JAK1: variants seen among roughly 807,000 people sequenced by gnomAD.
JAK1 encodes the protein Janus kinase 1, also known as tyrosine-protein kinase JAK1.
JAK1 carries 16 observed loss-of-function variants against 136.6 expected under a neutral mutation model. The ratio of observed to expected loss-of-function variants is 0.12; its 90% CI spans 0.08 to 0.18. The LOEUF (loss-of-function observed/expected upper bound fraction) is 0.18, where lower values mean the gene tolerates loss of function less well. Ranked by LOEUF, JAK1 falls within the 10% of genes least tolerant of loss-of-function variation. The pLI, the probability that JAK1 is intolerant of heterozygous loss-of-function variation, is 1.00. For missense variants in JAK1, 859 were observed against 1,450.1 expected (o/e 0.59, Z 6.62); for synonymous variants, 492 against 519.5 (o/e 0.95, Z 0.72).
At chr1:64,896,378 G>C (rs533645007) in intron 1 of JAK1, among the ~76,000 whole-genome samples, 18 of 152,286 alleles carry the variant, frequency 1.2e-4, no homozygotes, top group Non-Finnish European at 1.2e-4. Flanking sequence ...GCAGGGGATG[G>C]GATACACTAC....
At chr1:64,872,138 A>C (rs1002237240) in intron 5 of JAK1, among the ~76,000 whole-genome samples, 1 of 152,168 alleles carries the variant, frequency 6.6e-6, no homozygotes, top group African/African-American at 2.4e-5. Context: ...TGAGGCTGAG[A>C]GGAGAGTCGG....
intron 2 of JAK1, chr1:64,972,278 A>T (rs1325470256): frequency 6.6e-6 from 1 of 152,252 alleles, no homozygotes; most frequent in South Asian, 2.1e-4. Context: ...AAGCTACAAG[A>T]TACATTTTTA....
rs995875784 is a variant in JAK1 at position 64,978,057 on chromosome 1, A to C, written c.-78+66423T>G. ...CACTTTGGGAGGCTGAGGCAGGCAG[A>C]TCATGAGGTCAAGAGATTGAGACCA... On this transcript the variant is annotated intron_variant, in intron 2 of 25. Transcript: ENST00000671954. Among the ~76,000 whole-genome samples the C allele has an allele frequency of 2.3e-4, 35 of 152,270 alleles. 1 individual carries two copies. Among genetic ancestry groups the C allele is most frequent in the African/African-American group, 6.5e-4 (27 of 41,566 alleles).
At chr1:64,872,658 T>C (rs1218972113) in intron 5 of JAK1, among the ~76,000 whole-genome samples, 1 of 152,180 alleles carries the variant, frequency 6.6e-6, no homozygotes, top group Non-Finnish European at 1.5e-5. Flanking sequence ...TACGCAGACA[T>C]CCAGTCAATA....
At chr1:64,894,575 A>G (rs566067929) in intron 1 of JAK1, among the ~76,000 whole-genome samples, 1 of 152,244 alleles carries the variant, frequency 6.6e-6, no homozygotes, top group African/African-American at 2.4e-5. Context: ...CCTGGCCAAT[A>G]TGGTGAAACC....
At chr1:65,000,246 G>GT (rs889330329) in intron 2 of JAK1, among the ~76,000 whole-genome samples, 4 of 152,006 alleles carry the variant, frequency 2.6e-5, no homozygotes, top group African/African-American at 9.7e-5. Flanking sequence ...CTTGGCCATC[G>GT]TAAGTCTTAA....
intron 2 of JAK1, chr1:64,985,099 T>C: frequency 1.0e-6 from 1 of 981,472 alleles, no homozygotes; most frequent in South Asian, 1.3e-5. Flanking sequence ...ATATGTAGAG[T>C]CCTTCTTACT....
In JAK1 at chr1:64,844,711, CCT is replaced by C. The variant is rs761895391; in HGVS notation, c.2251+41_2251+42del. Reference sequence around the variant, plus strand: ...CAGCCCTTCTCTCTGCTGACTTGCCCCTGACTCGGGGTGGGGCCAGAGGGAAG... The same window carrying C: ...CAGCCCTTCTCTCTGCTGACTTGCCCGACTCGGGGTGGGGCCAGAGGGAAG... On this transcript the variant is annotated intron_variant, in intron 16 of 24. Coordinates refer to ENST00000342505, the MANE Select transcript of JAK1 (RefSeq NM_002227.4). This position sits in a 1 kb window ranked among gnomAD's most constrained non-coding sequence, Gnocchi z 5.7. The C allele has an allele frequency of 6.2e-7, 1 of 1,612,910 alleles. No individual in the cohort carries two copies. Among genetic ancestry groups the C allele is most frequent in the Non-Finnish European group, 8.5e-7 (1 of 1,179,512 alleles).
intron 4 of JAK1, chr1:64,876,142 A>C (rs961429476): frequency 6.6e-6 from 1 of 152,170 alleles, no homozygotes; most frequent in East Asian, 1.9e-4. Context: ...TGAGGTGCCA[A>C]GGAGAGAGAC....
intron 1 of JAK1, among the ~76,000 whole-genome samples, chr1:64,950,365 C>T (rs1222787046): frequency 6.6e-6 from 1 of 151,710 alleles, no homozygotes; most frequent in Non-Finnish European, 1.5e-5. Flanking sequence ...CGAGATCATG[C>T]CACTGCACTC....
intron 12 of JAK1, among the ~76,000 whole-genome samples, chr1:64,849,056 G>A (rs547964883): frequency 1.1e-4 from 17 of 152,230 alleles, no homozygotes; most frequent in Middle Eastern, 3.4e-3. Context: ...TGCTCTTCCC[G>A]TGGCCAAGTC....
intron 1 of JAK1, among the ~76,000 whole-genome samples, chr1:65,060,524 C>T (rs569743644): frequency 4.3e-4 from 66 of 152,128 alleles, no homozygotes; most frequent in Admixed American, 2.2e-3. Flanking sequence ...ATCACCAAAA[C>T]CCATGCAACA....
chr1:64,969,368 G>A (rs1646429761), upstream of JAK1, among the ~76,000 whole-genome samples: 1 of 151,898 alleles, frequency 6.6e-6, no homozygotes, highest in Non-Finnish European at 1.5e-5. Context: ...CTGACTACTA[G>A]GTGCTAGTAG....
intron 1 of JAK1, among the ~76,000 whole-genome samples, chr1:64,892,711 G>C (rs1252464033): frequency 6.6e-6 from 1 of 152,102 alleles, no homozygotes; most frequent in Non-Finnish European, 1.5e-5. Flanking sequence ...AACCACATTC[G>C]AGTTTCACAG....
At chr1:64,950,253 C>G (rs1196095572) in intron 1 of JAK1, among the ~76,000 whole-genome samples, 1 of 151,876 alleles carries the variant, frequency 6.6e-6, no homozygotes, top group African/African-American at 2.4e-5. Context: ...ACTAAAGATA[C>G]AAAAATTAGC....
At chr1:65,020,191 C>T (rs1197617031) in intron 2 of JAK1, among the ~76,000 whole-genome samples, 1 of 145,088 alleles carries the variant, frequency 6.9e-6, no homozygotes. Flanking sequence ...CGCCATTGCA[C>T]TCCAGCTTGG....
chr1:64,857,704 G>A lies in JAK1; in HGVS notation c.1410C>T (p.Thr470=), dbSNP rs780956154. The A allele has an allele frequency of 9.9e-6, 16 of 1,614,030 alleles. No individual in the cohort carries two copies. The highest frequency in any genetic ancestry group is 2.7e-5 in the African/African-American group (2 of 74,924). The change falls in exon 10 of 25, where the codon ACC becomes ACT. Residue 470 remains threonine (T), a synonymous_variant. Transcript: ENST00000342505. ...EGMYVLRWSC[T]DFDNILMTVT... ...CGGTCATGAGGATGTTGTCAAAGTC[G>A]GTGCAGCTCCACCTCAGCACGTACA...
chr1:64,900,355 C>T (rs1164918390), intron 1 of JAK1, among the ~76,000 whole-genome samples: 1 of 152,162 alleles, frequency 6.6e-6, no homozygotes, highest in African/African-American at 2.4e-5. Context: ...CAGATGAGCT[C>T]CATTCTAGGT....
intron 17 of JAK1, among the ~76,000 whole-genome samples, chr1:64,842,247 G>A (rs556784807): frequency 7.2e-5 from 11 of 151,844 alleles, no homozygotes; most frequent in African/African-American, 2.7e-4. Flanking sequence ...TGTTAACAGT[G>A]GTCAGGGATG....
Sources: allele counts gnomAD v4.1 joint callset (sites outside exome capture counted in the v4.1 genomes callset), GRCh38; gene constraint gnomAD v4.1.1; non-coding constraint Gnocchi (gnomAD v3.1); transcripts MANE v1.5; gene names NCBI Gene and HGNC (gene_info 2026-07-23, HGNC 2026-07-21).